ADAMTSL3: variants seen among roughly 807,000 people sequenced by gnomAD.
ADAMTSL3 encodes ADAMTS-like protein 3.
Under a neutral mutation model 201.7 loss-of-function variants are expected in ADAMTSL3, and 128 were observed. The ratio of observed to expected loss-of-function variants is 0.63; its 90% confidence interval spans 0.55 to 0.73. The LOEUF is 0.73. Among genes scored for constraint, ADAMTSL3 ranks in the 30% least tolerant of loss-of-function variants. The pLI is 0.00. For missense variants in ADAMTSL3, 1,990 were observed against 2,119.6 expected, an observed-to-expected ratio of 0.94 and a Z score of 1.20; for synonymous variants, 738 against 748.4, an observed-to-expected ratio of 0.99 and a Z score of 0.23.
chr15:83,666,914 G>A (rs2061255267), intron 2 of ADAMTSL3, among the ~76,000 whole-genome samples: 1 of 151,042 alleles, frequency 6.6e-6, no homozygotes, highest in African/African-American at 2.4e-5. Context: ...ATTTTTCTAT[G>A]AGAATCTTAT....
At chr15:83,859,191 A>G (rs1349850458) in intron 8 of ADAMTSL3, among the ~76,000 whole-genome samples, 1 of 152,254 alleles carries the variant, frequency 6.6e-6, no homozygotes, top group Non-Finnish European at 1.5e-5. Flanking sequence ...GAGGCTACGC[A>G]CTGGTTTGAC....
chr15:83,847,346 A>C (rs2064519426), intron 7 of ADAMTSL3, among the ~76,000 whole-genome samples: 1 of 152,194 alleles, frequency 6.6e-6, no homozygotes, highest in Non-Finnish European at 1.5e-5. Flanking sequence ...CTGCAGAATC[A>C]GTGTTGCTAC....
chr15:83,891,186 G>A, intron 11 of ADAMTSL3, 143 bp from the exon 12 acceptor site: 1 of 600,706 alleles, frequency 1.7e-6, no homozygotes, highest in Non-Finnish European at 2.8e-6. Context: ...CTGAATTTTT[G>A]GGAATGGTTG....
chr15:83,943,206 A>G, intron 19 of ADAMTSL3, 124 bp downstream of exon 19: 2 of 1,116,904 alleles, frequency 1.8e-6, no homozygotes, highest in Non-Finnish European at 2.5e-6. Context: ...AGGGGGCCAC[A>G]TTTAAGGAGG....
intron 9 of ADAMTSL3, among the ~76,000 whole-genome samples, chr15:83,879,801 A>G (rs79344853): frequency 8.7e-4 from 131 of 151,198 alleles, no homozygotes; most frequent in Non-Finnish European, 1.4e-3. Context: ...TTATTCTATC[A>G]TGAGAGATGT....
At chr15:83,740,507 G>A (rs1015876355) in intron 3 of ADAMTSL3, among the ~76,000 whole-genome samples, 1 of 152,142 alleles carries the variant, frequency 6.6e-6, no homozygotes. Flanking sequence ...TGCTAAAGCA[G>A]TATTAAGAGA....
At chr15:83,949,726 C>T (rs1203948191) in intron 19 of ADAMTSL3, among the ~76,000 whole-genome samples, 1 of 152,158 alleles carries the variant, frequency 6.6e-6, no homozygotes, top group African/African-American at 2.4e-5. Context: ...GATGGTATCT[C>T]ATTGTAGTTC....
chr15:83,763,616 G>A (rs1480489225), intron 3 of ADAMTSL3, among the ~76,000 whole-genome samples: 1 of 150,104 alleles, frequency 6.7e-6, no homozygotes, highest in African/African-American at 2.5e-5. Context: ...GCCATTCTCC[G>A]GCCTCAGCCT....
At chr15:84,000,945 T>C (rs2067781196) in intron 23 of ADAMTSL3, among the ~76,000 whole-genome samples, 1 of 152,188 alleles carries the variant, frequency 6.6e-6, no homozygotes, top group African/African-American at 2.4e-5. Context: ...CTTCATTTTA[T>C]TGGCAAAGAG....
intron 3 of ADAMTSL3, among the ~76,000 whole-genome samples, chr15:83,766,044 C>T (rs527976828): frequency 1.1e-3 from 161 of 151,842 alleles, no homozygotes; most frequent in African/African-American, 3.6e-3. Context: ...ACCTATCATA[C>T]GGAAGAAGGT....
Position 83,671,785 on chromosome 15 carries a change from A to G in ADAMTSL3, c.69+15955A>G, listed in dbSNP as rs72761823. Among the ~76,000 whole-genome samples the G allele has an allele frequency of 7.5e-3, 1,138 of 152,158 alleles. 10 individuals carry two copies. The highest frequency in any genetic ancestry group is 0.012 in the Non-Finnish European group (816 of 68,002). Reference sequence around the variant, plus strand: ...TAACTCTTTTGTTTTCTTGTCTCCTATTGATCTGTGTCCTTAGGAGCTCTG... The same window carrying G: ...TAACTCTTTTGTTTTCTTGTCTCCTGTTGATCTGTGTCCTTAGGAGCTCTG... On this transcript the variant is annotated intron_variant, in intron 2 of 29. Transcript: ENST00000286744.
At chr15:83,998,420 G>T (rs1229199594) in intron 23 of ADAMTSL3, among the ~76,000 whole-genome samples, 2 of 152,166 alleles carry the variant, frequency 1.3e-5, no homozygotes, top group Admixed American at 1.3e-4. Flanking sequence ...CTGCACTCCA[G>T]CCTGGGCGAC....
At chr15:83,764,599 T>A (rs1470955345) in intron 3 of ADAMTSL3, among the ~76,000 whole-genome samples, 1 of 152,022 alleles carries the variant, frequency 6.6e-6, no homozygotes, top group Non-Finnish European at 1.5e-5. Flanking sequence ...TTAGTTCCTC[T>A]CAGGCAGCCC....
At chr15:83,665,266 G>A (rs1315055931) in intron 2 of ADAMTSL3, among the ~76,000 whole-genome samples, 1 of 152,076 alleles carries the variant, frequency 6.6e-6, no homozygotes, top group Non-Finnish European at 1.5e-5. Flanking sequence ...CAAGTGTTAG[G>A]GACACGTGAG....
chr15:83,796,294 T>C (rs2063424956), intron 4 of ADAMTSL3, among the ~76,000 whole-genome samples: 1 of 152,198 alleles, frequency 6.6e-6, no homozygotes, highest in African/African-American at 2.4e-5. Context: ...AGAGTACTTG[T>C]ACATAAAATA....
intron 3 of ADAMTSL3, among the ~76,000 whole-genome samples, chr15:83,734,384 A>G (rs1336981045): frequency 6.6e-6 from 1 of 152,150 alleles, no homozygotes; most frequent in Non-Finnish European, 1.5e-5. Context: ...GATCTAAAAC[A>G]AAACCATGTT....
chr15:83,720,876 TG>T (rs1375208245), intron 3 of ADAMTSL3, among the ~76,000 whole-genome samples: 3 of 152,216 alleles, frequency 2.0e-5, no homozygotes, highest in Admixed American at 2.0e-4. Flanking sequence ...GCCATGAACT[TG>T]GGGCAAACCT....
At chr15:83,864,010 T>C (rs182211163) in intron 8 of ADAMTSL3, among the ~76,000 whole-genome samples, 2 of 152,280 alleles carry the variant, frequency 1.3e-5, no homozygotes, top group African/African-American at 4.8e-5. Context: ...CTAGAAAATC[T>C]AGAAGAAATG....
intron 26 of ADAMTSL3, 105 bp from the exon 27 acceptor site, chr15:84,025,133 C>G (rs985192396): frequency 1.1e-6 from 1 of 944,454 alleles, no homozygotes; most frequent in African/African-American, 1.6e-5. Flanking sequence ...ATGTGACAGC[C>G]TAAGATAGCC....
Sources: allele counts gnomAD v4.1 joint callset (sites outside exome capture counted in the v4.1 genomes callset), GRCh38; gene constraint gnomAD v4.1.1; transcripts MANE v1.5; gene names NCBI Gene and HGNC (gene_info 2026-07-23, HGNC 2026-07-21).